The following TNKS variants were observed in gnomAD, a reference collection of about 807,000 sequenced individuals.
The protein encoded by TNKS is poly [ADP-ribose] polymerase tankyrase-1.
TNKS carries 72 observed loss-of-function variants against 135.8 expected under a neutral mutation model. The observed-to-expected ratio is 0.53, with a 90% CI of 0.44 to 0.64. The LOEUF is 0.64. TNKS is among the 30% of genes least tolerant of loss of function. TNKS has a pLI of 0.00. For synonymous variants in TNKS, 849 were observed against 649.3 expected (o/e 1.31, Z -4.68); for missense variants, 1,769 against 1,674.0 (o/e 1.06, Z -0.99).
chr8:9,773,234 C>G (rs1808041159), intron 26 of TNKS, among the ~76,000 whole-genome samples: 1 of 151,718 alleles, frequency 6.6e-6, no homozygotes, highest in African/African-American at 2.4e-5. Flanking sequence ...TCATCACTGT[C>G]TTATCACAAT....
chr8:9,605,743 T>A (rs550830026), intron 2 of TNKS, among the ~76,000 whole-genome samples: 1 of 152,226 alleles, frequency 6.6e-6, no homozygotes, highest in East Asian at 1.9e-4. Flanking sequence ...TTTATATATC[T>A]TCTTCTGTGA....
At chr8:9,648,206 G>T (rs1421092415) in intron 3 of TNKS, among the ~76,000 whole-genome samples, 1 of 152,038 alleles carries the variant, frequency 6.6e-6, no homozygotes, top group African/African-American at 2.4e-5. Flanking sequence ...GGCTACATTA[G>T]ATTTATTTAA....
chr8:9,772,076 GGA>G (rs1431844920), intron 26 of TNKS, among the ~76,000 whole-genome samples: 58 of 138,888 alleles, frequency 4.2e-4, no homozygotes, highest in African/African-American at 1.5e-3. Context: ...GGGGAGAGAG[GGA>G]GAGAGAAGGA....
chr8:9,631,669 T>G (rs1164713412), intron 3 of TNKS, among the ~76,000 whole-genome samples: 1 of 152,188 alleles, frequency 6.6e-6, no homozygotes, highest in Non-Finnish European at 1.5e-5. Context: ...TGTGTTTAAT[T>G]TTTCCAACTC....
intron 1 of TNKS, among the ~76,000 whole-genome samples, chr8:9,577,418 A>G (rs548826187): frequency 4.3e-4 from 65 of 152,244 alleles, no homozygotes; most frequent in African/African-American, 1.4e-3. Context: ...AAGAAAAGAG[A>G]TTTAACTGAC....
rs375073918 is a variant in TNKS at position 9,580,187 on chromosome 8, C to G, written c.702C>G (p.His234Gln). 13 of 1,614,114 alleles carry G rather than the reference C, an allele frequency of 8.1e-6. No homozygotes were observed. Among genetic ancestry groups the G allele is most frequent in the Non-Finnish European group, 1.1e-5 (13 of 1,180,000 alleles). ...TTGGAAGGAAGGATGTTGTAGAACA[C>G]TTACTACAGATGGGTGCTAATGTCC... ...AGFGRKDVVE[H>Q]LLQMGANVHA... Residue 234 changes from histidine (H) to glutamine (Q), a missense_variant, in exon 2 of 27, where the codon CAC (histidine) becomes CAG (glutamine). Physicochemically the swap from His to Gln is conservative, Grantham distance 24. Coordinates refer to ENST00000310430, the MANE Select transcript of TNKS (RefSeq NM_003747.3).
At chr8:9,562,170 G>A (rs999194970) in intron 1 of TNKS, among the ~76,000 whole-genome samples, 1 of 151,794 alleles carries the variant, frequency 6.6e-6, no homozygotes, top group African/African-American at 2.4e-5. Flanking sequence ...GCACACTTCA[G>A]TTTTATTCAG....
chr8:9,734,926 A>C lies in TNKS; in HGVS notation c.2375A>C (p.Glu792Ala), dbSNP rs1311651114. 6.2e-7 allele frequency: 1 copy of C among 1,614,060 alleles called. No individual in the cohort carries two copies. Among genetic ancestry groups the C allele is most frequent in the African/African-American group, 1.3e-5 (1 of 74,916 alleles). The change falls in exon 16 of 27, where the codon GAA becomes GCA. Residue 792 changes from glutamate to alanine, a missense_variant. Physicochemically the swap from Glu to Ala is moderately radical, Grantham distance 107 (BLOSUM62 -1). This residue lies in a region of TNKS where 722 missense variants were observed against 688.9 expected (regional missense o/e 1.05). Transcript: ENST00000310430. ...DGNTPLDLVK[E>A]GDTDIQDLLR... is the part of the protein sequence containing the mutation. ...AATACACCTTTGGATTTGGTAAAGG[A>C]AGGAGACACAGATATTCAGGACTTA... is the stretch of plus-strand genomic sequence containing the variant.
At chr8:9,668,395 T>A (rs1056341011) in intron 3 of TNKS, among the ~76,000 whole-genome samples, 1 of 152,220 alleles carries the variant, frequency 6.6e-6, no homozygotes, top group Non-Finnish European at 1.5e-5. Flanking sequence ...ATTTTGCCTC[T>A]AGTTGTCAAG....
intron 3 of TNKS, chr8:9,670,227 G>A (rs1356922631): frequency 1.3e-5 from 2 of 152,320 alleles, no homozygotes; most frequent in South Asian, 4.1e-4. Flanking sequence ...AGGCATGTTA[G>A]TGGTTTTTTC....
intron 14 of TNKS, among the ~76,000 whole-genome samples, chr8:9,731,476 A>C (rs911461062): frequency 6.6e-6 from 1 of 151,034 alleles, no homozygotes; most frequent in African/African-American, 2.4e-5. Flanking sequence ...AAAAAAAAAA[A>C]AAAAAAAACA....
At chr8:9,773,119 CT>C (rs987797696) in intron 26 of TNKS, among the ~76,000 whole-genome samples, 5 of 151,046 alleles carry the variant, frequency 3.3e-5, no homozygotes, top group African/African-American at 1.2e-4. Flanking sequence ...AGAAAAGAAG[CT>C]TTTTTTTAAC....
intron 21 of TNKS, 138 bp downstream of exon 21, chr8:9,761,774 A>T: frequency 1.1e-6 from 1 of 878,892 alleles, no homozygotes; most frequent in Non-Finnish European, 1.6e-6. Context: ...TCCCCATCTC[A>T]GTTATTGGCC....
chr8:9,626,102 A>G (rs2128769522), intron 3 of TNKS, among the ~76,000 whole-genome samples: 1 of 152,290 alleles, frequency 6.6e-6, no homozygotes, highest in Middle Eastern at 3.4e-3. Flanking sequence ...GCTTTGTTGC[A>G]TACACATTTA....
intron 2 of TNKS, among the ~76,000 whole-genome samples, chr8:9,601,489 G>C (rs1223842452): frequency 6.6e-6 from 1 of 152,098 alleles, no homozygotes; most frequent in Non-Finnish European, 1.5e-5. Flanking sequence ...AGCCAAGCTG[G>C]ACCAAATTCT....
intron 3 of TNKS, among the ~76,000 whole-genome samples, chr8:9,666,004 CAA>C (rs1801970636): frequency 1.3e-5 from 2 of 152,096 alleles, no homozygotes; most frequent in African/African-American, 4.8e-5. Flanking sequence ...AATAAATGTG[CAA>C]AGTCATGCTC....
intron 17 of TNKS, among the ~76,000 whole-genome samples, chr8:9,746,528 C>T (rs192657436): frequency 6.6e-6 from 1 of 152,140 alleles, no homozygotes; most frequent in Non-Finnish European, 1.5e-5. Context: ...ATTTTTCTTC[C>T]ACTCTCCTTT....
chr8:9,632,946 G>A (rs893803100), intron 3 of TNKS, among the ~76,000 whole-genome samples: 9 of 152,088 alleles, frequency 5.9e-5, no homozygotes, highest in Admixed American at 1.3e-4. Context: ...AGCCAGGATG[G>A]TCTCAATCTC....
At chr8:9,652,656 C>G (rs1199206345) in intron 3 of TNKS, among the ~76,000 whole-genome samples, 4 of 152,102 alleles carry the variant, frequency 2.6e-5, no homozygotes, top group Middle Eastern at 3.4e-3. Flanking sequence ...AAAGGAGGTC[C>G]TGTCTTCCTG....
Sources: allele counts gnomAD v4.1 joint callset (sites outside exome capture counted in the v4.1 genomes callset), GRCh38; gene constraint gnomAD v4.1.1; regional missense constraint gnomAD v4.1.1; transcripts MANE v1.5; gene names NCBI Gene and HGNC (gene_info 2026-07-23, HGNC 2026-07-21).